Variants in URI1 observed in about 807,000 individuals in gnomAD.
URI1 encodes the protein URI1 prefoldin like chaperone, also known as unconventional prefoldin RPB5 interactor 1.
In URI1, 39 loss-of-function variants were observed where a neutral mutation model predicts 60.2. The observed-to-expected ratio is 0.65, with a 90% CI of 0.50 to 0.85. URI1 has a LOEUF of 0.85. Ranked by LOEUF, URI1 falls within the 40% of genes least tolerant of loss-of-function variation. The probability of loss-of-function intolerance (pLI) is 0.00; values close to 1 mark genes in which losing one functional copy is unlikely to be tolerated. For missense variants in URI1, 691 were observed against 665.9 expected, an observed-to-expected ratio of 1.04 and a Z score of -0.42; for synonymous variants, 251 against 236.8, an observed-to-expected ratio of 1.06 and a Z score of -0.55.
chr19:29,996,622 T>C (rs969616558), intron 4 of URI1, among the ~76,000 whole-genome samples: 5 of 152,132 alleles, frequency 3.3e-5, no homozygotes, highest in African/African-American at 1.2e-4. Context: ...TTGCTCTAGC[T>C]AGAACTTCTA....
chr19:29,996,815 GA>G (rs1464979208), intron 4 of URI1, among the ~76,000 whole-genome samples: 1 of 151,350 alleles, frequency 6.6e-6, no homozygotes, highest in Non-Finnish European at 1.5e-5. Flanking sequence ...TTTTAATCAT[GA>G]AAGGTTGTTG....
At chr19:30,013,320 T>A (rs751082451) in intron 10 of URI1, among the ~76,000 whole-genome samples, 1 of 152,178 alleles carries the variant, frequency 6.6e-6, no homozygotes, top group South Asian at 2.1e-4. Flanking sequence ...ATTCCATTGC[T>A]TTTACTAAAT....
At chr19:30,003,583 AAT>A (rs1252756756) in intron 4 of URI1, among the ~76,000 whole-genome samples, 1 of 152,052 alleles carries the variant, frequency 6.6e-6, no homozygotes, top group East Asian at 1.9e-4. Flanking sequence ...TTGTTTCTTA[AAT>A]GGAATATTCA....
chr19:29,993,961 T>C (rs2055778429), intron 4 of URI1, among the ~76,000 whole-genome samples: 1 of 152,186 alleles, frequency 6.6e-6, no homozygotes, highest in Non-Finnish European at 1.5e-5. Context: ...TATAGTATTA[T>C]ATTGTACTCT....
intron 3 of URI1, 51 bp downstream of exon 3, chr19:29,985,352 T>C: frequency 1.4e-6 from 2 of 1,472,216 alleles, no homozygotes; most frequent in Non-Finnish European, 1.9e-6. Flanking sequence ...TGTAAACATA[T>C]TAACTATGTG....
intron 1 of URI1, among the ~76,000 whole-genome samples, chr19:29,943,685 G>C (rs1196056580): frequency 4.5e-4 from 68 of 152,000 alleles, no homozygotes; most frequent in Admixed American, 4.2e-3. Flanking sequence ...AAAAACCCTC[G>C]TTTGCTTGGA....
At chr19:29,955,297 A>G (rs2055231486) in intron 1 of URI1, among the ~76,000 whole-genome samples, 1 of 151,896 alleles carries the variant, frequency 6.6e-6, no homozygotes, top group African/African-American at 2.4e-5. Context: ...ATAGTGCTTT[A>G]TGTCTGTGTC....
In URI1 at chr19:30,005,366, AGAAAAACAATAGATG is replaced by A; in HGVS notation, c.374_388del (p.Arg125_Asp130delinsAsn). On this transcript the variant is annotated inframe_deletion, in exon 5 of 11. Transcript: ENST00000392271. The stretch of plus-strand genomic sequence containing the variant: ...GGTTGTGTTCATTGTTTCAGATGTA[AGAAAAACAATAGATG>A]ACTTAAAAAAAGTGATGAAAAATTT... 1 of 1,573,298 alleles carries A rather than the reference AGAAAAACAATAGATG, an allele frequency of 6.4e-7. No individual in the cohort carries two copies. The highest frequency in any genetic ancestry group is 8.7e-7 in the Non-Finnish European group (1 of 1,153,804).
intron 2 of URI1, among the ~76,000 whole-genome samples, chr19:29,976,337 T>A (rs1354996490): frequency 2.0e-5 from 3 of 152,132 alleles, no homozygotes; most frequent in Non-Finnish European, 4.4e-5. Context: ...GCTCACTGCT[T>A]TGGTTGCAGC....
In URI1 at chr19:30,013,273, C is replaced by CT. The variant is rs200300485; in HGVS notation, c.1425+742_1425+743insT. ...AAACCAGTGTACACATTTGTATATA[C>CT]AATAAGATACATGCATATATATAAC... On this transcript the variant is annotated intron_variant, in intron 10 of 10. Coordinates refer to ENST00000392271, the MANE Select transcript of URI1 (RefSeq NM_003796.3). Among the ~76,000 whole-genome samples the CT allele has an allele frequency of 8.9e-3, 1,360 of 152,262 alleles. 12 individuals are homozygous for CT. The highest frequency in any genetic ancestry group is 0.02 in the Middle Eastern group (6 of 294).
chr19:29,950,744 A>C (rs1193682519), intron 1 of URI1, among the ~76,000 whole-genome samples: 1 of 152,192 alleles, frequency 6.6e-6, no homozygotes, highest in Non-Finnish European at 1.5e-5. Context: ...AGTTTTTCTA[A>C]AAATGTCCTT....
At chr19:29,927,252 T>G (rs1407760960) in intron 1 of URI1, among the ~76,000 whole-genome samples, 1 of 141,606 alleles carries the variant, frequency 7.1e-6, no homozygotes, top group African/African-American at 2.6e-5. Flanking sequence ...GAAGTCTAAT[T>G]TCATCCCTCT....
At chr19:29,927,676 A>C (rs2145190573) in intron 1 of URI1, among the ~76,000 whole-genome samples, 1 of 146,538 alleles carries the variant, frequency 6.8e-6, no homozygotes, top group South Asian at 2.2e-4. Context: ...TCCTGGGTTC[A>C]ACCAATTCTC....
chr19:29,973,228 G>A (rs2055480562), intron 2 of URI1, among the ~76,000 whole-genome samples: 2 of 152,066 alleles, frequency 1.3e-5, no homozygotes, highest in African/African-American at 4.8e-5. Flanking sequence ...GCTGCTGTTT[G>A]GAATTGAAAG....
intron 2 of URI1, chr19:29,983,281 A>G (rs185282874): frequency 2.6e-5 from 4 of 152,288 alleles, no homozygotes; most frequent in African/African-American, 7.2e-5. Context: ...GCTTCTTGCT[A>G]TGTGGTTTTT....
chr19:29,994,134 T>G (rs2055781700), intron 4 of URI1, among the ~76,000 whole-genome samples: 1 of 152,060 alleles, frequency 6.6e-6, no homozygotes, highest in Non-Finnish European at 1.5e-5. Context: ...AAGATACAAT[T>G]GCTGGCATGA....
chr19:29,956,870 T>C lies in URI1; in HGVS notation c.117+14206T>C, dbSNP rs1348438085. ...AAGGAGTCTGAGTTCTACGTTGATG[T>C]GATTGAAGTCCTTCCGCAGGGTTCC... is the stretch of plus-strand genomic sequence containing the variant. On this transcript the variant is annotated intron_variant, in intron 1 of 10. Coordinates refer to ENST00000392271, the MANE Select transcript of URI1 (RefSeq NM_003796.3). 8.0e-6 allele frequency: 12 copies of C among 1,494,292 alleles called. No homozygotes were observed. The Admixed American group carries it at 1.2e-4, about 15-fold the overall frequency. The allele number at this position is 1,494,292 out of a possible 1,614,324, so 92.6% of individuals were successfully genotyped here.
intron 9 of URI1, 97 bp from the exon 10 acceptor site, chr19:30,012,188 A>T: frequency 7.1e-7 from 1 of 1,410,678 alleles, no homozygotes; most frequent in Non-Finnish European, 9.5e-7. Flanking sequence ...AAATTTTCAG[A>T]TTAATTTCTA....
upstream of URI1, chr19:29,942,230 A>G (rs999709564): frequency 1.1e-4 from 111 of 983,976 alleles, no homozygotes; most frequent in Non-Finnish European, 1.3e-4. Context: ...GTGCCGCGAG[A>G]GGCGGGGCGT....
Sources: allele counts gnomAD v4.1 joint callset (sites outside exome capture counted in the v4.1 genomes callset), GRCh38; gene constraint gnomAD v4.1.1; transcripts MANE v1.5; gene names NCBI Gene and HGNC (gene_info 2026-07-23, HGNC 2026-07-21).